The following C1QTNF3 variants were observed in gnomAD, a reference collection of about 807,000 sequenced individuals.
C1QTNF3 encodes complement C1q tumor necrosis factor-related protein 3.
In C1QTNF3, 26 loss-of-function variants were observed where a neutral mutation model predicts 32.6. That is an observed-to-expected ratio of 0.80 (90% CI 0.58 to 1.11). The LOEUF (loss-of-function observed/expected upper bound fraction) is 1.11, where lower values mean the gene tolerates loss of function less well. C1QTNF3 is among the 50% of genes least tolerant of loss of function. The pLI, the probability that C1QTNF3 is intolerant of heterozygous loss-of-function variation, is 0.00. For synonymous variants in C1QTNF3, 155 were observed against 146.0 expected, an observed-to-expected ratio of 1.06 and a Z score of -0.44; for missense variants, 362 against 398.2, an observed-to-expected ratio of 0.91 and a Z score of 0.77.
chr5:34,018,071 C>T lies in C1QTNF3; in HGVS notation c.*2512G>A, dbSNP rs538126493. ...GCAAGATACAAAAATATATAAAAAG[C>T]TAATTTCAAATTATTTTATTACTAT... On this transcript the variant is annotated 3_prime_UTR_variant, in exon 6 of 6. Coordinates refer to ENST00000382065, the MANE Select transcript of C1QTNF3 (RefSeq NM_181435.6). Among the ~76,000 whole-genome samples the T allele has an allele frequency of 2.7e-4, 41 of 151,618 alleles. No individual in the cohort carries two copies. Among genetic ancestry groups the T allele is most frequent in the African/African-American group, 9.7e-4 (40 of 41,414 alleles).
Position 34,019,766 on chromosome 5 carries a change from A to T in C1QTNF3, c.*817T>A, listed in dbSNP as rs1388121543. ...TTTTTCTTGCCACAGTTTTATCTAA[A>T]GCCAGGTCAAAATCTTTCTCTAAGG... On this transcript the variant is annotated 3_prime_UTR_variant, in exon 6 of 6. Transcript: ENST00000382065. 1 of 152,242 alleles carries T rather than the reference A, an allele frequency of 6.6e-6. No homozygotes were observed. Among genetic ancestry groups the T allele is most frequent in the East Asian group, 1.9e-4 (1 of 5,208 alleles). 9.4% of individuals were successfully genotyped at this position (152,242 alleles called of 1,614,324 possible).
chr5:34,227,597 T>G, the C1QTNF3 span, among the ~76,000 whole-genome samples: 1 of 151,942 alleles, frequency 6.6e-6, no homozygotes, highest in Non-Finnish European at 1.5e-5. Context: ...AATCTACATA[T>G]GAGCGGACCC....
chr5:34,199,374 A>G, the C1QTNF3 span, among the ~76,000 whole-genome samples: 1 of 147,840 alleles, frequency 6.8e-6, no homozygotes, highest in South Asian at 2.1e-4. Context: ...TTTCAATGAC[A>G]TTTATAAATT....
the C1QTNF3 span, among the ~76,000 whole-genome samples, chr5:34,048,588 A>T: frequency 3.0e-3 from 460 of 152,206 alleles, 2 homozygotes; most frequent in African/African-American, 0.011. Context: ...TTGCCAGGGT[A>T]CAATGAGAAG....
At chr5:34,154,650 A>C in the C1QTNF3 span, among the ~76,000 whole-genome samples, 1 of 152,172 alleles carries the variant, frequency 6.6e-6, no homozygotes, top group African/African-American at 2.4e-5. Context: ...TAATTCACTT[A>C]ATCTTTCTGC....
At chr5:34,188,262 C>T in the C1QTNF3 span, among the ~76,000 whole-genome samples, 2 of 152,386 alleles carry the variant, frequency 1.3e-5, no homozygotes, top group South Asian at 2.1e-4. Context: ...TGGATAACCT[C>T]TGCTAGGGCA....
chr5:34,213,718 G>GTATATATATATGTGTATATATATGTATA, the C1QTNF3 span, among the ~76,000 whole-genome samples: 3 of 116,362 alleles, frequency 2.6e-5, no homozygotes, highest in African/African-American at 9.5e-5. Context: ...GTATATATAT[G>GTATATATATATGTGTATATATATGTATA]TATATATATA....
the C1QTNF3 span, among the ~76,000 whole-genome samples, chr5:34,078,873 T>C: frequency 1.3e-5 from 2 of 151,610 alleles, no homozygotes; most frequent in Non-Finnish European, 2.9e-5. The surrounding 1 kb of genome is among the most constrained non-coding windows in gnomAD (Gnocchi z 4.0). Context: ...GCTAACTTCC[T>C]CCCTTTCTGC....
At chr5:34,169,389 T>C in the C1QTNF3 span, among the ~76,000 whole-genome samples, 101,860 of 150,812 alleles carry the variant, frequency 0.68, 34,954 homozygotes, top group African/African-American at 0.79. Flanking sequence ...TTTTAATGTA[T>C]CTGTTGGCCA....
chr5:34,234,141 T>A, the C1QTNF3 span, among the ~76,000 whole-genome samples: 1 of 152,138 alleles, frequency 6.6e-6, no homozygotes, highest in African/African-American at 2.4e-5. Flanking sequence ...AAAATCAACA[T>A]AAAGTTACAT....
the C1QTNF3 span, among the ~76,000 whole-genome samples, chr5:34,062,826 C>T: frequency 6.6e-6 from 1 of 152,218 alleles, no homozygotes; most frequent in Non-Finnish European, 1.5e-5. Flanking sequence ...AACAGAATGG[C>T]CCCATACTTT....
At chr5:34,230,603 AAAC>A in the C1QTNF3 span, among the ~76,000 whole-genome samples, 1 of 152,168 alleles carries the variant, frequency 6.6e-6, no homozygotes, top group Non-Finnish European at 1.5e-5. Flanking sequence ...TCTCAGCATA[AAAC>A]AATATTAAAA....
the C1QTNF3 span, among the ~76,000 whole-genome samples, chr5:34,119,301 G>A: frequency 4.6e-5 from 7 of 152,204 alleles, no homozygotes; most frequent in African/African-American, 1.7e-4. Flanking sequence ...AGCTTCCCCA[G>A]TTTTCTAAAG....
At chr5:34,205,549 A>G in the C1QTNF3 span, among the ~76,000 whole-genome samples, 4 of 152,230 alleles carry the variant, frequency 2.6e-5, no homozygotes, top group South Asian at 8.3e-4. Context: ...CAGCCATGTA[A>G]GATGTGGCTG....
chr5:34,092,318 G>GA, the C1QTNF3 span, among the ~76,000 whole-genome samples: 2 of 151,606 alleles, frequency 1.3e-5, no homozygotes, highest in Admixed American at 6.6e-5. Context: ...GAAGACATGG[G>GA]AAAAAATGGA....
At chr5:34,144,697 A>G in the C1QTNF3 span, among the ~76,000 whole-genome samples, 1 of 152,234 alleles carries the variant, frequency 6.6e-6, no homozygotes, top group Non-Finnish European at 1.5e-5. Context: ...GAGAACATCA[A>G]AATTAAGGCA....
intron 3 of C1QTNF3, among the ~76,000 whole-genome samples, chr5:34,030,338 C>T (rs1164061789): frequency 2.0e-5 from 3 of 152,166 alleles, no homozygotes; most frequent in South Asian, 2.1e-4. Flanking sequence ...AACCTGCTCA[C>T]GGTGGCAACC....
chr5:34,024,127 T>C, intron 4 of C1QTNF3, 119 bp from the exon 5 acceptor site: 1 of 731,490 alleles, frequency 1.4e-6, no homozygotes, highest in Non-Finnish European at 2.3e-6. Context: ...CTTTGTAGTA[T>C]GGTGTCTCTC....
the C1QTNF3 span, among the ~76,000 whole-genome samples, chr5:34,147,502 A>G: frequency 1.3e-5 from 2 of 152,148 alleles, no homozygotes; most frequent in Admixed American, 1.3e-4. Flanking sequence ...GAACGAAATC[A>G]GGTCCTTTGC....
Sources: gnomAD v4.1 joint callset for allele counts (sites outside exome capture counted in the v4.1 genomes callset) on GRCh38, gnomAD v4.1.1 for gene constraint, Gnocchi (gnomAD v3.1) non-coding constraint, MANE v1.5 for transcripts, NCBI Gene and HGNC (gene_info 2026-07-23, HGNC 2026-07-21) for gene names.